LOC400499: variants seen among roughly 807,000 people sequenced by gnomAD.
At chr16:11,399,987 G>A in the LOC400499 span, among the ~76,000 whole-genome samples, 2 of 151,882 alleles carry the variant, frequency 1.3e-5, no homozygotes, top group East Asian at 1.9e-4. Flanking sequence ...AGGGTGGAGA[G>A]ACTGCCCTGC....
chr16:11,379,931 G>GCCCCCC, the LOC400499 span, among the ~76,000 whole-genome samples: 1 of 152,028 alleles, frequency 6.6e-6, no homozygotes. Flanking sequence ...TGACAGCTCT[G>GCCCCCC]TCCCCCTCCT....
chr16:11,436,211 C>T, the LOC400499 span, among the ~76,000 whole-genome samples: 1 of 152,166 alleles, frequency 6.6e-6, no homozygotes, highest in African/African-American at 2.4e-5. Flanking sequence ...AAAACTCGTG[C>T]TGGTGCCTGA....
the LOC400499 span, among the ~76,000 whole-genome samples, chr16:11,419,864 C>G: frequency 1.0e-3 from 159 of 151,700 alleles, 1 homozygote; most frequent in African/African-American, 3.7e-3. Context: ...CACTGGCCAT[C>G]AGAGAAATGC....
At chr16:11,466,995 C>T in the LOC400499 span, among the ~76,000 whole-genome samples, 1 of 151,940 alleles carries the variant, frequency 6.6e-6, no homozygotes, top group African/African-American at 2.4e-5. Flanking sequence ...CTCTGCTACC[C>T]AAACTGGAGT....
chr16:11,496,706 A>G, the LOC400499 span, among the ~76,000 whole-genome samples: 7 of 152,078 alleles, frequency 4.6e-5, no homozygotes, highest in African/African-American at 1.7e-4. Flanking sequence ...GTGCCCACGC[A>G]CAGCCCAGTG....
the LOC400499 span, among the ~76,000 whole-genome samples, chr16:11,502,673 G>T: frequency 6.6e-6 from 1 of 150,520 alleles, no homozygotes; most frequent in African/African-American, 2.5e-5. Context: ...ACAGGGCAGT[G>T]GCGCAATCTC....
chr16:11,508,269 A>T, the LOC400499 span, among the ~76,000 whole-genome samples: 1 of 152,206 alleles, frequency 6.6e-6, no homozygotes, highest in Non-Finnish European at 1.5e-5. Context: ...CTTGATGATC[A>T]CCAACGAAGG....
At chr16:11,433,603 G>A in the LOC400499 span, among the ~76,000 whole-genome samples, 1 of 152,188 alleles carries the variant, frequency 6.6e-6, no homozygotes, top group Admixed American at 6.5e-5. Flanking sequence ...GTGACTCTTG[G>A]TGGGTTCCTG....
chr16:11,469,933 G>A, the LOC400499 span, among the ~76,000 whole-genome samples: 3 of 151,486 alleles, frequency 2.0e-5, no homozygotes, highest in Non-Finnish European at 4.4e-5. Context: ...ACCGAGTCCC[G>A]CTCTGTTGCC....
At chr16:11,465,332 G>C in the LOC400499 span, 1 of 152,074 alleles carries the variant, frequency 6.6e-6, no homozygotes, top group African/African-American at 2.4e-5. Context: ...TCACCATCTT[G>C]GCCAGGCTGG....
chr16:11,383,568 G>A, the LOC400499 span: 1 of 1,219,168 alleles, frequency 8.2e-7, no homozygotes, highest in Non-Finnish European at 1.0e-6. Context: ...GTGAGAGAAA[G>A]GGACTGGTTT....
chr16:11,516,442 C>T, the LOC400499 span: 2 of 397,722 alleles, frequency 5.0e-6, no homozygotes, highest in East Asian at 3.6e-5. Flanking sequence ...CCCACATCCC[C>T]CCACTAGATA....
the LOC400499 span, chr16:11,425,447 T>C: frequency 2.5e-6 from 1 of 399,038 alleles, no homozygotes; most frequent in Non-Finnish European, 4.4e-6. Context: ...CAGAGAATGG[T>C]GGAGAAGAAC....
the LOC400499 span, among the ~76,000 whole-genome samples, chr16:11,387,455 A>C: frequency 2.0e-5 from 3 of 152,092 alleles, no homozygotes; most frequent in Admixed American, 6.5e-5. Context: ...TCCCATCATG[A>C]GGTGGAGGAG....
the LOC400499 span, chr16:11,456,741 G>C: frequency 9.4e-5 from 118 of 1,260,372 alleles, no homozygotes; most frequent in African/African-American, 1.6e-3. Context: ...TTTGAGTCTT[G>C]AGTTAGCCTA....
chr16:11,508,690 G>C, the LOC400499 span: 3 of 399,096 alleles, frequency 7.5e-6, no homozygotes, highest in Admixed American at 4.4e-5. Context: ...GAAAGACTCT[G>C]GCCTGGGGCT....
chr16:11,376,907 C>G, the LOC400499 span, among the ~76,000 whole-genome samples: 1 of 149,434 alleles, frequency 6.7e-6, no homozygotes, highest in East Asian at 1.9e-4. Context: ...AAGTTTATTC[C>G]TATTTTATTC....
At chr16:11,428,391 C>G in the LOC400499 span, among the ~76,000 whole-genome samples, 1 of 152,282 alleles carries the variant, frequency 6.6e-6, no homozygotes, top group Admixed American at 6.5e-5. Context: ...CCAGGCTAGT[C>G]TCGAACTCCT....
chr16:11,430,315 G>A, the LOC400499 span, among the ~76,000 whole-genome samples: 12,546 of 151,952 alleles, frequency 0.083, 846 homozygotes, highest in African/African-American at 0.18. Context: ...GTGAAACCCC[G>A]TCTCTATTAA....
Sources: allele counts gnomAD v4.1 joint callset (sites outside exome capture counted in the v4.1 genomes callset), GRCh38; gene constraint gnomAD v4.1.1; transcripts MANE v1.5.